The following EPHA7 variants were observed in gnomAD, a reference collection of about 807,000 sequenced individuals.
EPHA7 encodes the protein EPH receptor A7, also known as ephrin type-A receptor 7.
A neutral mutation model predicts 112.6 loss-of-function variants in EPHA7; 25 were observed. The observed-to-expected ratio is 0.22, with a 90% CI of 0.16 to 0.31. The LOEUF is 0.31. Among genes scored for constraint, EPHA7 ranks in the 10% least tolerant of loss-of-function variants. EPHA7 has a pLI of 1.00. For synonymous variants in EPHA7, 437 were observed against 406.5 expected, an observed-to-expected ratio of 1.07 and a Z score of -0.90; for missense variants, 962 against 1,212.6, an observed-to-expected ratio of 0.79 and a Z score of 3.07.
At chr6:93,264,570 G>T in intron 8 of EPHA7, 24 bp downstream of exon 8, 1 of 1,441,172 alleles carries the variant, frequency 6.9e-7, no homozygotes, top group Non-Finnish European at 9.7e-7. Flanking sequence ...TTATGTTAGA[G>T]ATTAGAACAA....
At position 93,411,093 on chromosome 6, in the gene EPHA7, G is replaced by A; in HGVS notation, c.240C>T (p.Asn80=). The part of the protein sequence containing the change: ...TYQVCQVMEP[N]QNNWLRTNWI... ...AGTTAGTCCGCAGCCAGTTGTTTTG[G>A]TTGGGCTCCATGACTTGGCACACCT... Residue 80 remains asparagine (N), a synonymous_variant, in exon 3 of 17, where the codon AAC becomes AAT. Coordinates refer to ENST00000369303, the MANE Select transcript of EPHA7 (RefSeq NM_004440.4). 1.9e-6 allele frequency: 3 copies of A among 1,613,704 alleles called. No homozygotes were observed. The highest frequency in any genetic ancestry group is 2.5e-6 in the Non-Finnish European group (3 of 1,179,920).
chr6:93,387,951 A>G (rs1777704073), intron 3 of EPHA7, among the ~76,000 whole-genome samples: 1 of 151,952 alleles, frequency 6.6e-6, no homozygotes, highest in African/African-American at 2.4e-5. Flanking sequence ...AGATAGATAG[A>G]TAGATAGATA....
intron 15 of EPHA7, among the ~76,000 whole-genome samples, chr6:93,246,401 G>T (rs532714791): frequency 1.3e-5 from 2 of 152,108 alleles, no homozygotes; most frequent in African/African-American, 4.8e-5. Flanking sequence ...TAAATGACTT[G>T]AAGCAAAACA....
At chr6:93,350,809 T>C (rs544731661) in intron 5 of EPHA7, among the ~76,000 whole-genome samples, 1 of 152,028 alleles carries the variant, frequency 6.6e-6, no homozygotes, top group South Asian at 2.1e-4. Context: ...TACACAAAAG[T>C]TTAAGTTAAA....
Position 93,356,789 on chromosome 6 carries a change from C to T in EPHA7, c.1252G>A (p.Val418Ile). ...CGGCTTAAGTCAGAAACTCCATTTACAGCTTCAACTTCAAAAGTATAATTA... is the reference window on the plus strand; with the variant it reads ...CGGCTTAAGTCAGAAACTCCATTTATAGCTTCAACTTCAAAAGTATAATTA... Reference protein sequence around the residue: ...HANYTFEVEAVNGVSDLSRSQ... With the variant: ...HANYTFEVEAINGVSDLSRSQ... The change falls in exon 5 of 17, where the codon GTA becomes ATA. Residue 418 changes from valine to isoleucine, a missense_variant. By Grantham distance (29) the Val-to-Ile change is conservative. Coordinates refer to ENST00000369303, the MANE Select transcript of EPHA7 (RefSeq NM_004440.4). 6.2e-7 allele frequency: 1 copy of T among 1,614,162 alleles called. No individual in the cohort carries two copies. Among genetic ancestry groups the T allele is most frequent in the African/African-American group, 1.3e-5 (1 of 75,064 alleles).
chr6:93,277,447 G>A (rs2127890967), intron 5 of EPHA7, among the ~76,000 whole-genome samples: 1 of 151,780 alleles, frequency 6.6e-6, no homozygotes, highest in Non-Finnish European at 1.5e-5. Flanking sequence ...GGAAAAACAG[G>A]GTGGCTAATA....
intron 3 of EPHA7, among the ~76,000 whole-genome samples, chr6:93,403,022 TC>T (rs1778505552): frequency 6.6e-6 from 1 of 152,022 alleles, no homozygotes; most frequent in East Asian, 1.9e-4. Context: ...TATATTATCT[TC>T]ACATGAATAA....
intron 5 of EPHA7, among the ~76,000 whole-genome samples, chr6:93,347,170 T>G (rs1230732961): frequency 6.6e-6 from 1 of 151,868 alleles, no homozygotes; most frequent in Non-Finnish European, 1.5e-5. Context: ...TACTGACTTC[T>G]TAATCTTGTA....
At chr6:93,290,952 T>G (rs1025577245) in intron 5 of EPHA7, among the ~76,000 whole-genome samples, 11 of 152,148 alleles carry the variant, frequency 7.2e-5, no homozygotes, top group African/African-American at 2.7e-4. Context: ...CTGCAAACAA[T>G]GAATACAACA....
intron 5 of EPHA7, 131 bp downstream of exon 5, chr6:93,356,586 T>C (rs953206715): frequency 2.4e-6 from 2 of 817,364 alleles, no homozygotes; most frequent in African/African-American, 3.4e-5. Flanking sequence ...ACAGGAAAAG[T>C]TAAAGCTGTA....
At chr6:93,309,487 T>C (rs1562086762) in intron 5 of EPHA7, among the ~76,000 whole-genome samples, 1 of 152,248 alleles carries the variant, frequency 6.6e-6, no homozygotes, top group Admixed American at 6.5e-5. Flanking sequence ...AAAGCTCAAC[T>C]TGATATAAAA....
At chr6:93,284,231 A>G (rs1771938457) in intron 5 of EPHA7, among the ~76,000 whole-genome samples, 1 of 152,078 alleles carries the variant, frequency 6.6e-6, no homozygotes, top group African/African-American at 2.4e-5. Flanking sequence ...TAAAACCCAT[A>G]TATATCAAAC....
intron 5 of EPHA7, among the ~76,000 whole-genome samples, chr6:93,326,675 A>G (rs562885580): frequency 6.6e-6 from 1 of 151,580 alleles, no homozygotes; most frequent in South Asian, 2.1e-4. Context: ...ATCATAGCAT[A>G]TGACGTGTTT....
At chr6:93,342,819 C>G (rs969038476) in intron 5 of EPHA7, among the ~76,000 whole-genome samples, 7 of 151,576 alleles carry the variant, frequency 4.6e-5, no homozygotes, top group African/African-American at 9.7e-5. Flanking sequence ...AATTAAATGA[C>G]AGTTATTAGA....
rs1582372969 is a variant in EPHA7, at chr6:93,240,442, A to G, written c.*2984T>C. 4.1e-5 allele frequency: 9 copies of G among 218,596 alleles called. No individual in the cohort carries two copies. The East Asian group carries it at 5.4e-4, about 13-fold the overall frequency. 13.5% of individuals were successfully genotyped at this position (218,596 alleles called of 1,614,324 possible). A position where few individuals can be genotyped will look rare whatever the true frequency, so the allele number is the denominator to read the frequency against. On this transcript the variant is annotated 3_prime_UTR_variant, in exon 17 of 17. Transcript: ENST00000369303. ...TTAAAATATAGTCCTAAACAGTACT[A>G]GCTAATGTAGATTACATAAGTATAC...
intron 5 of EPHA7, among the ~76,000 whole-genome samples, chr6:93,343,123 AC>A (rs1775223524): frequency 6.6e-6 from 1 of 151,698 alleles, no homozygotes; most frequent in African/African-American, 2.4e-5. Context: ...CTTTTCCAAA[AC>A]TTTATACTTT....
At chr6:93,331,110 G>C (rs1360727508) in intron 5 of EPHA7, among the ~76,000 whole-genome samples, 1 of 151,360 alleles carries the variant, frequency 6.6e-6, no homozygotes, top group Non-Finnish European at 1.5e-5. Context: ...ATGCCAAATT[G>C]TAAAATTAGC....
chr6:93,253,068 C>T (rs981906387), intron 14 of EPHA7, among the ~76,000 whole-genome samples: 2 of 151,508 alleles, frequency 1.3e-5, no homozygotes, highest in African/African-American at 4.8e-5. Context: ...CCTGTCAGTC[C>T]CTTTATGTTT....
At chr6:93,337,776 C>T (rs1774947116) in intron 5 of EPHA7, among the ~76,000 whole-genome samples, 1 of 152,092 alleles carries the variant, frequency 6.6e-6, no homozygotes, top group Non-Finnish European at 1.5e-5. Flanking sequence ...ATGGAAAAAG[C>T]AGCAGCATCC....
Sources: gnomAD v4.1 joint callset for allele counts (sites outside exome capture counted in the v4.1 genomes callset) on GRCh38, gnomAD v4.1.1 for gene constraint, MANE v1.5 for transcripts, NCBI Gene and HGNC (gene_info 2026-07-23, HGNC 2026-07-21) for gene names.